The following NKAIN2 variants were observed in gnomAD, a reference collection of about 807,000 sequenced individuals.
NKAIN2 encodes the protein sodium/potassium transporting ATPase interacting 2.
In NKAIN2, 14 loss-of-function variants were observed where a neutral mutation model predicts 32.6. The ratio of observed to expected loss-of-function variants is 0.43; its 90% CI spans 0.28 to 0.67. NKAIN2 has a LOEUF of 0.67. Among genes scored for constraint, NKAIN2 ranks in the 30% least tolerant of loss-of-function variants. The pLI is 0.17. For synonymous variants in NKAIN2, 80 were observed against 87.2 expected (o/e 0.92, Z 0.46); for missense variants, 198 against 258.3 (o/e 0.77, Z 1.60).
At chr6:124,097,803 GTAGAGTGAAAAGGGCTTAC>G (rs1163410597) in intron 1 of NKAIN2, among the ~76,000 whole-genome samples, 1 of 152,208 alleles carries the variant, frequency 6.6e-6, no homozygotes, top group Admixed American at 6.5e-5. Flanking sequence ...CAGGAAAACT[GTAGAGTGAAAAGGGCTTAC>G]TGTAGAGTGG....
At chr6:124,110,352 T>G (rs1246039877) in intron 1 of NKAIN2, among the ~76,000 whole-genome samples, 1 of 152,056 alleles carries the variant, frequency 6.6e-6, no homozygotes. Flanking sequence ...GGAAAAATTG[T>G]GTACTTGATT....
intron 1 of NKAIN2, among the ~76,000 whole-genome samples, chr6:124,149,856 G>A (rs986504839): frequency 6.7e-5 from 10 of 148,460 alleles, no homozygotes; most frequent in African/African-American, 2.2e-4. Flanking sequence ...TGGCCAGACA[G>A]CAGCCCCTAG....
rs527403603 is a variant in NKAIN2, at chr6:124,014,177, C to A, written c.54+209923C>A. On this transcript the variant is annotated intron_variant, in intron 1 of 6. Coordinates refer to ENST00000368417, the MANE Select transcript of NKAIN2 (RefSeq NM_001040214.3). ...TTTCTTGTCAATGAGTAATAGAAAG[C>A]TTTTCAATGAATATTTATTGTATGA... Among the ~76,000 whole-genome samples, 257 of 152,134 alleles carry A rather than the reference C, an allele frequency of 1.7e-3. 2 individuals carry two copies. Among genetic ancestry groups the A allele is most frequent in the South Asian group, 4.6e-3 (22 of 4,824 alleles).
At chr6:124,574,278 A>G (rs1161157191) in intron 3 of NKAIN2, among the ~76,000 whole-genome samples, 1 of 150,768 alleles carries the variant, frequency 6.6e-6, no homozygotes, top group Non-Finnish European at 1.5e-5. Context: ...TTTATTGAAA[A>G]TAAAATCCTG....
chr6:124,386,008 G>A (rs578244973), intron 3 of NKAIN2, among the ~76,000 whole-genome samples: 1 of 152,224 alleles, frequency 6.6e-6, no homozygotes, highest in Admixed American at 6.5e-5. Context: ...TGGGGGTCCT[G>A]GGAATATAAT....
intron 4 of NKAIN2, among the ~76,000 whole-genome samples, chr6:124,701,409 A>G (rs560910052): frequency 6.6e-6 from 1 of 152,088 alleles, no homozygotes; most frequent in Admixed American, 6.6e-5. Context: ...ATGTTGAAAA[A>G]TATACTCAGA....
At chr6:124,322,204 G>C (rs62434697) in intron 2 of NKAIN2, among the ~76,000 whole-genome samples, 15 of 152,040 alleles carry the variant, frequency 9.9e-5, no homozygotes, top group Non-Finnish European at 7.4e-5. Flanking sequence ...GAAAATTATA[G>C]AGCATTACAC....
intron 3 of NKAIN2, among the ~76,000 whole-genome samples, chr6:124,612,300 A>G (rs1311294661): frequency 6.6e-6 from 1 of 152,200 alleles, no homozygotes; most frequent in African/African-American, 2.4e-5. Context: ...GTTGCTTTGC[A>G]TTAATAAAAA....
At chr6:124,740,275 T>C (rs9388371) in intron 4 of NKAIN2, among the ~76,000 whole-genome samples, 1 of 151,434 alleles carries the variant, frequency 6.6e-6, no homozygotes, top group Non-Finnish European at 1.5e-5. Context: ...CCCCAGATAA[T>C]TTATGTATGT....
chr6:124,716,799 CTAATTTTTCT>C (rs1775779653), intron 4 of NKAIN2, among the ~76,000 whole-genome samples: 1 of 42,680 alleles, frequency 2.3e-5, no homozygotes, highest in Non-Finnish European at 4.9e-5. Flanking sequence ...ATATAGTTTA[CTAATTTTTCT>C]TGTTTATAGT....
intron 1 of NKAIN2, among the ~76,000 whole-genome samples, chr6:124,033,976 T>G (rs77779077): frequency 6.6e-6 from 1 of 152,150 alleles, no homozygotes; most frequent in Non-Finnish European, 1.5e-5. Context: ...AATTAAAGTT[T>G]GAAATTTGTG....
At chr6:124,506,506 C>T (rs969638345) in intron 3 of NKAIN2, among the ~76,000 whole-genome samples, 1 of 152,130 alleles carries the variant, frequency 6.6e-6, no homozygotes, top group African/African-American at 2.4e-5. Context: ...GCCAGAATGG[C>T]CCCAATTGAG....
At chr6:124,652,256 CT>C (rs1326841820) in intron 3 of NKAIN2, among the ~76,000 whole-genome samples, 2 of 152,214 alleles carry the variant, frequency 1.3e-5, no homozygotes, top group Non-Finnish European at 2.9e-5. Context: ...CCATCTCCAT[CT>C]GAGACCTCAT....
In NKAIN2 at chr6:123,803,972, C is replaced by T. The variant is rs992719916; in HGVS notation, c.-229C>T. Among the ~76,000 whole-genome samples, 1 of 151,126 alleles carries T rather than the reference C, an allele frequency of 6.6e-6. No homozygotes were observed. Among genetic ancestry groups the T allele is most frequent in the African/African-American group, 2.4e-5 (1 of 41,296 alleles). ...CCCGCGGCGCGGCGTGTGCACCGAG[C>T]GAGTGAAGGTATGTGTGGCGGGCGC... On this transcript the variant is annotated 5_prime_UTR_variant, in exon 1 of 7. It introduces an in-frame stop codon into an upstream open reading frame of the 5' UTR. Transcript: ENST00000368417.
chr6:124,412,485 A>C (rs910937237), intron 3 of NKAIN2, among the ~76,000 whole-genome samples: 2 of 152,194 alleles, frequency 1.3e-5, no homozygotes, highest in African/African-American at 4.8e-5. Context: ...GCTGCAGAAC[A>C]GCGGATATTG....
chr6:124,012,114 G>A (rs1169535002), intron 1 of NKAIN2, among the ~76,000 whole-genome samples: 2 of 151,942 alleles, frequency 1.3e-5, no homozygotes, highest in East Asian at 1.9e-4. Context: ...ATATTCTTAT[G>A]TATGTATATA....
At chr6:124,144,274 T>C (rs892614845) in intron 1 of NKAIN2, among the ~76,000 whole-genome samples, 3 of 152,160 alleles carry the variant, frequency 2.0e-5, no homozygotes, top group Admixed American at 2.0e-4. Flanking sequence ...ACTTACTGTG[T>C]AGTGTTGCTG....
intron 1 of NKAIN2, among the ~76,000 whole-genome samples, chr6:124,034,026 A>G (rs1375943985): frequency 1.3e-5 from 2 of 152,110 alleles, no homozygotes; most frequent in African/African-American, 4.8e-5. Flanking sequence ...TTTTTATAAT[A>G]ATATTACTGA....
intron 1 of NKAIN2, among the ~76,000 whole-genome samples, chr6:123,993,230 T>G (rs1034494653): frequency 3.3e-5 from 5 of 152,182 alleles, no homozygotes; most frequent in Non-Finnish European, 5.9e-5. Flanking sequence ...TTGTCATTGT[T>G]ATAAGTGCTA....
Sources: allele counts gnomAD v4.1 joint callset (sites outside exome capture counted in the v4.1 genomes callset), GRCh38; gene constraint gnomAD v4.1.1; transcripts MANE v1.5; gene names NCBI Gene and HGNC (gene_info 2026-07-23, HGNC 2026-07-21).